JARID2: variants seen among roughly 807,000 people sequenced by gnomAD.
JARID2 encodes jumonji and AT-rich interaction domain containing 2.
JARID2 carries 21 observed loss-of-function variants against 125.6 expected under a neutral mutation model. The ratio of observed to expected loss-of-function variants is 0.17; its 90% CI spans 0.12 to 0.24. The LOEUF (loss-of-function observed/expected upper bound fraction) is 0.24. JARID2 is among the 10% of genes least tolerant of loss of function. JARID2 has a pLI of 1.00. For missense variants in JARID2, 1,303 were observed against 1,639.6 expected (o/e 0.79, Z 3.55); for synonymous variants, 736 against 661.6 (o/e 1.11, Z -1.73).
chr6:15,374,015 C>T (rs756834410), intron 1 of JARID2, 102 bp from the exon 2 acceptor site: 24 of 1,338,746 alleles, frequency 1.8e-5, no homozygotes, highest in Non-Finnish European at 2.5e-5. Flanking sequence ...CGTGGTCACA[C>T]AGTACGTGTT....
At chr6:15,406,303 G>A (rs1197671317) in intron 2 of JARID2, among the ~76,000 whole-genome samples, 1 of 152,120 alleles carries the variant, frequency 6.6e-6, no homozygotes, top group East Asian at 1.9e-4. Flanking sequence ...GCGTGGTAGC[G>A]AACGCCTATA....
At chr6:15,516,964 G>C (rs1038024182) in intron 16 of JARID2, among the ~76,000 whole-genome samples, 197 bp from the exon 17 acceptor site, 25 of 152,176 alleles carry the variant, frequency 1.6e-4, no homozygotes, top group Admixed American at 1.6e-3. Context: ...TGTTCCAGGT[G>C]TTTGGTCAGT....
intron 12 of JARID2, chr6:15,508,817 T>C (rs868040323): frequency 2.0e-6 from 1 of 493,714 alleles, no homozygotes; most frequent in African/African-American, 2.0e-5. Flanking sequence ...TCACTTTTTC[T>C]TGTGGATTTC....
chr6:15,425,981 A>AC (rs1171563364), intron 3 of JARID2, among the ~76,000 whole-genome samples: 1 of 152,058 alleles, frequency 6.6e-6, no homozygotes, highest in Non-Finnish European at 1.5e-5. Flanking sequence ...ACGTCCTAAT[A>AC]GCATGATGTG....
rs1195992469 is a variant in JARID2 at position 15,521,519 on chromosome 6, A to T, written c.*1268A>T. On this transcript the variant is annotated 3_prime_UTR_variant, in exon 18 of 18. Transcript: ENST00000341776. ...TTACAGGGTTTTTCTTGTAACATTT[A>T]TAAGTGCTGCTTACATCACTGAACA... 6.6e-6 allele frequency: 1 copy of T among 152,106 alleles called. No individual in the cohort carries two copies. 9.4% of individuals were successfully genotyped at this position (152,106 alleles called of 1,614,324 possible).
intron 1 of JARID2, among the ~76,000 whole-genome samples, chr6:15,282,103 C>T (rs13197919): frequency 0.021 from 3,255 of 152,050 alleles, 69 homozygotes; most frequent in Non-Finnish European, 0.027. Context: ...CCATCATGCT[C>T]GACCAATTTC....
At chr6:15,483,286 A>C (rs1404335256) in intron 5 of JARID2, among the ~76,000 whole-genome samples, 1 of 152,160 alleles carries the variant, frequency 6.6e-6, no homozygotes, top group Non-Finnish European at 1.5e-5. Context: ...TTTATGTGTA[A>C]TAGCATCTTG....
chr6:15,265,274 G>A (rs1352991211), intron 1 of JARID2, among the ~76,000 whole-genome samples: 2 of 151,932 alleles, frequency 1.3e-5, no homozygotes, highest in Admixed American at 1.3e-4. Flanking sequence ...GCTCCGGGCT[G>A]TGCTGTGGGA....
At chr6:15,285,961 G>A (rs1378305159) in intron 1 of JARID2, among the ~76,000 whole-genome samples, 1 of 152,176 alleles carries the variant, frequency 6.6e-6, no homozygotes, top group East Asian at 1.9e-4. Context: ...AATTTCTGAT[G>A]TATAACTATG....
rs1201117489 is a variant in JARID2, at chr6:15,321,850, C to T, written c.46-52267C>T. Among the ~76,000 whole-genome samples, 17 of 118,610 alleles carry T rather than the reference C, an allele frequency of 1.4e-4. No individual in the cohort carries two copies. In the South Asian group the frequency reaches 2.9e-3, roughly 20 times the overall value. The allele number at this position is 118,610 out of a possible 152,430, so 77.8% of individuals were successfully genotyped here. On this transcript the variant is annotated intron_variant, in intron 1 of 17. Coordinates refer to ENST00000341776, the MANE Select transcript of JARID2 (RefSeq NM_004973.4). ...CTTTGTCGCCCAGGTTGGAGTGCAG[C>T]GGTGTGATCTCGGCTCACTGCAAAC...
intron 5 of JARID2, among the ~76,000 whole-genome samples, chr6:15,469,502 G>A (rs1378045583): frequency 2.7e-5 from 4 of 148,308 alleles, no homozygotes; most frequent in South Asian, 4.4e-4. Context: ...GCGCGATCTC[G>A]GCTCACTGCC....
At chr6:15,408,712 T>C (rs1765751221) in intron 2 of JARID2, among the ~76,000 whole-genome samples, 1 of 152,236 alleles carries the variant, frequency 6.6e-6, no homozygotes, top group East Asian at 1.9e-4. Flanking sequence ...TAAGTAAAAT[T>C]AAAATTTATT....
At chr6:15,426,583 T>C (rs1224356252) in intron 3 of JARID2, among the ~76,000 whole-genome samples, 1 of 152,186 alleles carries the variant, frequency 6.6e-6, no homozygotes, top group Non-Finnish European at 1.5e-5. Flanking sequence ...CAAGATGTGC[T>C]CAGAGGCACT....
intron 1 of JARID2, among the ~76,000 whole-genome samples, chr6:15,254,412 A>C (rs77004759): frequency 6.6e-6 from 1 of 152,142 alleles, no homozygotes; most frequent in Non-Finnish European, 1.5e-5. Context: ...GGGAAATCAT[A>C]TGCCCTCAGT....
In JARID2 at chr6:15,497,051, C is replaced by T. The variant is rs1272628515; in HGVS notation, c.1826C>T (p.Thr609Met). The T allele has an allele frequency of 6.2e-7, 1 of 1,610,754 alleles. No homozygotes were observed. Among genetic ancestry groups the T allele is most frequent in the Non-Finnish European group, 8.5e-7 (1 of 1,178,698 alleles). Residue 609 changes from threonine (T) to methionine (M), a missense_variant, in exon 7 of 18, where the codon ACG (threonine) becomes ATG (methionine). Physicochemically the swap from Thr to Met is moderately conservative, Grantham distance 81. Around this residue, in one of 11 missense-constraint regions of JARID2, gnomAD observed 64 missense variants for 166.8 expected, o/e 0.38. Coordinates refer to ENST00000341776, the MANE Select transcript of JARID2 (RefSeq NM_004973.4). ...CKLNDEMRFV[T>M]QIQHIHKLGR... is the part of the protein sequence containing the mutation. ...CTCAACGATGAGATGCGGTTTGTCA[C>T]GCAGATTCAGCACATCCACAAGCTG...
At chr6:15,492,125 C>G (rs1770179885) in intron 6 of JARID2, among the ~76,000 whole-genome samples, 1 of 151,640 alleles carries the variant, frequency 6.6e-6, no homozygotes. Context: ...GGCTGTGGGC[C>G]AAGGAGCACA....
intron 1 of JARID2, among the ~76,000 whole-genome samples, chr6:15,333,897 C>T (rs1453241355): frequency 6.6e-6 from 1 of 152,132 alleles, no homozygotes; most frequent in Non-Finnish European, 1.5e-5. Context: ...TAAAGGTAAT[C>T]TTTTCAAAGG....
chr6:15,263,586 A>G (rs373438329), intron 1 of JARID2, among the ~76,000 whole-genome samples: 1 of 145,992 alleles, frequency 6.8e-6, no homozygotes. Flanking sequence ...AACTAGAGTC[A>G]GACAATTTTT....
intron 1 of JARID2, among the ~76,000 whole-genome samples, chr6:15,293,576 G>A (rs1761303657): frequency 6.6e-6 from 1 of 152,204 alleles, no homozygotes; most frequent in Admixed American, 6.5e-5. Context: ...TCAGAAGGTT[G>A]TTCCTAGCCA....
Sources: gnomAD v4.1 joint callset for allele counts (sites outside exome capture counted in the v4.1 genomes callset) on GRCh38, gnomAD v4.1.1 for gene constraint, gnomAD v4.1.1 regional missense constraint, MANE v1.5 for transcripts, NCBI Gene and HGNC (gene_info 2026-07-23, HGNC 2026-07-21) for gene names.